NRF1: variants seen among roughly 807,000 people sequenced by gnomAD.
NRF1 encodes alpha palindromic-binding protein.
NRF1 carries 5 observed loss-of-function variants against 58.5 expected under a neutral mutation model. The ratio of observed to expected loss-of-function variants is 0.09; its 90% CI spans 0.04 to 0.18. The LOEUF is 0.18. NRF1 is among the 10% of genes least tolerant of loss of function. The pLI is 1.00. For missense variants in NRF1, 288 were observed against 657.7 expected (o/e 0.44, Z 6.15); for synonymous variants, 224 against 246.7 (o/e 0.91, Z 0.86).
chr7:129,632,265 C>T (rs1477231721), intron 1 of NRF1, among the ~76,000 whole-genome samples: 1 of 151,962 alleles, frequency 6.6e-6, no homozygotes, highest in Non-Finnish European at 1.5e-5. Context: ...CAAAGGGAGA[C>T]CCTGTCTCTT....
In NRF1 at chr7:129,741,084, G is replaced by A. The variant is rs1302957856; in HGVS notation, c.1348+13719G>A. Among the ~76,000 whole-genome samples the A allele has an allele frequency of 6.6e-6, 1 of 151,944 alleles. No homozygotes were observed. The highest frequency in any genetic ancestry group is 2.1e-4 in the South Asian group (1 of 4,810). ...CATGTCCTCTTTTTTTTGTTTTTCT[G>A]TACTTCAATAGATGCAAATTCATTT... On this transcript the variant is annotated intron_variant, in intron 10 of 10. Transcript: ENST00000393232. The surrounding 1 kb of genome is among the most constrained non-coding windows in gnomAD (Gnocchi z 4.0).
intron 10 of NRF1, chr7:129,744,079 A>G (rs916169383): frequency 4.3e-6 from 5 of 1,160,282 alleles, no homozygotes; most frequent in Non-Finnish European, 6.0e-6. Context: ...CCAGATGTGC[A>G]TGGGAGGCTG....
intron 8 of NRF1, 139 bp from the exon 9 acceptor site, chr7:129,717,080 C>A: frequency 1.3e-6 from 1 of 755,436 alleles, no homozygotes; most frequent in Non-Finnish European, 2.1e-6. Flanking sequence ...GCTTAAAGCT[C>A]TGTTCTGTAT....
chr7:129,752,486 T>C (rs573822089), intron 10 of NRF1, among the ~76,000 whole-genome samples: 2 of 152,282 alleles, frequency 1.3e-5, no homozygotes, highest in Non-Finnish European at 2.9e-5. Flanking sequence ...CATTTGAACT[T>C]TGTTACAAGC....
intron 10 of NRF1, among the ~76,000 whole-genome samples, chr7:129,750,701 G>A (rs567793612): frequency 2.6e-5 from 4 of 152,232 alleles, no homozygotes; most frequent in Non-Finnish European, 4.4e-5. Context: ...CCTCACCCAG[G>A]TGTGGCCAAA....
At chr7:129,691,284 A>G (rs1160760298) in intron 5 of NRF1, among the ~76,000 whole-genome samples, 1 of 151,226 alleles carries the variant, frequency 6.6e-6, no homozygotes, top group Non-Finnish European at 1.5e-5. Flanking sequence ...CCCTTTATAT[A>G]TTTTTAGTTT....
chr7:129,644,227 C>A (rs180745266), intron 1 of NRF1, among the ~76,000 whole-genome samples: 9 of 152,174 alleles, frequency 5.9e-5, no homozygotes, highest in African/African-American at 2.2e-4. Flanking sequence ...CTCTTATAAC[C>A]CAGGGGCTTA....
intron 1 of NRF1, among the ~76,000 whole-genome samples, chr7:129,647,022 A>G (rs1341089150): frequency 1.3e-5 from 2 of 152,104 alleles, no homozygotes; most frequent in African/African-American, 4.8e-5. Context: ...GACTTCAGTG[A>G]GCTTACAGTA....
intron 10 of NRF1, among the ~76,000 whole-genome samples, chr7:129,752,029 A>G (rs6978860): frequency 0.17 from 25,710 of 152,242 alleles, 2,446 homozygotes; most frequent in African/African-American, 0.27. Context: ...CTATGCTGAT[A>G]GCAACTTGTG....
Position 129,677,755 on chromosome 7 carries a change from TG to T in NRF1, c.463del (p.Val155TrpfsTer8). ...KVFGAAPLEN[V>X]VRKYKSMILE... ...TGTTTGGTGCAGCACCTTTGGAGAA[TG>T]TGGTAAGTCAGAACCAAGCTGTTCT... On this transcript the variant is annotated frameshift_variant and splice_region_variant, in exon 4 of 11. Coordinates refer to ENST00000393232, the MANE Select transcript of NRF1 (RefSeq NM_005011.5). LOFTEE classifies it high-confidence loss of function. The T allele has an allele frequency of 6.2e-7, 1 of 1,613,806 alleles. No individual in the cohort carries two copies. Among genetic ancestry groups the T allele is most frequent in the South Asian group, 1.1e-5 (1 of 90,976 alleles).
chr7:129,639,384 T>G (rs1801239335), intron 1 of NRF1, among the ~76,000 whole-genome samples: 1 of 152,172 alleles, frequency 6.6e-6, no homozygotes, highest in Non-Finnish European at 1.5e-5. Flanking sequence ...TTTTGTTGTT[T>G]CCTTGTTCCT....
intron 5 of NRF1, among the ~76,000 whole-genome samples, chr7:129,701,769 C>A (rs530928384): frequency 1.3e-5 from 2 of 152,202 alleles, no homozygotes; most frequent in South Asian, 4.2e-4. Flanking sequence ...TCAGCAATTC[C>A]ACTTTTCTGA....
intron 8 of NRF1, among the ~76,000 whole-genome samples, chr7:129,714,601 C>T (rs74375747): frequency 2.1e-3 from 323 of 152,258 alleles, no homozygotes; most frequent in African/African-American, 7.2e-3. Context: ...AAAGCAAGAG[C>T]TTTGGAGTTC....
chr7:129,613,986 C>T (rs988872697), intron 1 of NRF1, among the ~76,000 whole-genome samples: 1 of 152,162 alleles, frequency 6.6e-6, no homozygotes, highest in African/African-American at 2.4e-5. Flanking sequence ...CCTTTAATTT[C>T]CTCACACAGC....
chr7:129,692,057 C>G (rs1207629475), intron 5 of NRF1, among the ~76,000 whole-genome samples: 1 of 152,082 alleles, frequency 6.6e-6, no homozygotes, highest in Admixed American at 6.5e-5. Context: ...AGAAGTAATC[C>G]TGATTTCCTT....
intron 1 of NRF1, among the ~76,000 whole-genome samples, chr7:129,625,937 C>A (rs533046208): frequency 6.6e-6 from 1 of 152,068 alleles, no homozygotes; most frequent in Non-Finnish European, 1.5e-5. Flanking sequence ...CCGCCTTGGC[C>A]TCCCAAAGTG....
intron 10 of NRF1, among the ~76,000 whole-genome samples, chr7:129,736,156 C>T (rs1433520372): frequency 6.6e-6 from 1 of 152,070 alleles, no homozygotes; most frequent in East Asian, 1.9e-4. Context: ...AACATTCTAT[C>T]TTTTTACACT....
intron 1 of NRF1, among the ~76,000 whole-genome samples, chr7:129,615,832 C>G (rs1294037234): frequency 6.6e-6 from 1 of 152,128 alleles, no homozygotes; most frequent in African/African-American, 2.4e-5. Context: ...CTAAGGTAAA[C>G]AGACTGGAAG....
At position 129,655,169 on chromosome 7, in the gene NRF1, A is replaced by G. The variant is rs1801623541; in HGVS notation, c.-6-2177A>G. On this transcript the variant is annotated intron_variant, in intron 1 of 10. Transcript: ENST00000393232. The stretch of plus-strand genomic sequence containing the variant: ...TTTTTTTCATATAGATCTTGTACAT[A>G]TTTTGTTAGATTTATACCTTACTCA... Among the ~76,000 whole-genome samples the G allele has an allele frequency of 2.6e-5, 4 of 151,756 alleles. No individual in the cohort carries two copies. The South Asian group carries it at 8.3e-4, about 31-fold the overall frequency.
Sources: allele counts gnomAD v4.1 joint callset (sites outside exome capture counted in the v4.1 genomes callset), GRCh38; gene constraint gnomAD v4.1.1; non-coding constraint Gnocchi (gnomAD v3.1); transcripts MANE v1.5; gene names NCBI Gene and HGNC (gene_info 2026-07-23, HGNC 2026-07-21).